Variants in DNER observed in about 807,000 individuals in gnomAD.
DNER encodes the protein delta/notch like EGF repeat containing.
Under a neutral mutation model 78.2 loss-of-function variants are expected in DNER, and 33 were observed. The observed-to-expected ratio is 0.42, with a 90% CI of 0.32 to 0.56. The LOEUF is 0.56. Ranked by LOEUF, DNER falls within the 20% of genes least tolerant of loss-of-function variation. The pLI is 0.11. For missense variants in DNER, 918 were observed against 975.3 expected (o/e 0.94, Z 0.78); for synonymous variants, 417 against 384.8 (o/e 1.08, Z -0.98).
intron 1 of DNER, among the ~76,000 whole-genome samples, chr2:229,603,992 C>T (rs1697885524): frequency 6.6e-6 from 1 of 152,128 alleles, no homozygotes; most frequent in African/African-American, 2.4e-5. Flanking sequence ...ACTCTCCCTC[C>T]AGCACCGCGG....
chr2:229,417,077 C>T (rs993267040), intron 9 of DNER, among the ~76,000 whole-genome samples: 5 of 152,128 alleles, frequency 3.3e-5, no homozygotes, highest in East Asian at 3.9e-4. Context: ...TGGTTCTAAC[C>T]GAACGTCATA....
At chr2:229,696,138 T>C (rs1244259680) in intron 1 of DNER, among the ~76,000 whole-genome samples, 2 of 152,204 alleles carry the variant, frequency 1.3e-5, no homozygotes, top group Admixed American at 1.3e-4. Flanking sequence ...CTACAGTCTT[T>C]TAGCCCTGCT....
At chr2:229,577,515 ACC>A (rs1697324601) in intron 4 of DNER, among the ~76,000 whole-genome samples, 2 of 151,998 alleles carry the variant, frequency 1.3e-5, no homozygotes, top group African/African-American at 4.8e-5. Context: ...GGAGCCTGTA[ACC>A]CCAGCTACTC....
At chr2:229,398,776 T>TGCAA (rs1693203726) in intron 10 of DNER, among the ~76,000 whole-genome samples, 1 of 152,052 alleles carries the variant, frequency 6.6e-6, no homozygotes. Flanking sequence ...ATTCCAGGCA[T>TGCAA]GCAAGACTAA....
At position 229,712,354 on chromosome 2, in the gene DNER, T is replaced by C. The variant is rs538592442; in HGVS notation, c.276+1794A>G. On this transcript the variant is annotated intron_variant, in intron 1 of 12. Coordinates refer to ENST00000341772, the MANE Select transcript of DNER (RefSeq NM_139072.4). ...TTTAGGTGGCACTAAAGAGCTCTTT[T>C]TCTTGAAGATGTCTTATATCTGTTT... is the stretch of plus-strand genomic sequence containing the variant. Among the ~76,000 whole-genome samples, 3 of 152,346 alleles carry C rather than the reference T, an allele frequency of 2.0e-5. No homozygotes were observed. In the East Asian group the frequency reaches 5.8e-4, roughly 29 times the overall value.
intron 11 of DNER, among the ~76,000 whole-genome samples, chr2:229,387,523 G>GAGAT (rs1692908576): frequency 8.5e-6 from 1 of 117,492 alleles, no homozygotes; most frequent in African/African-American, 3.2e-5. Context: ...AAGAAAGAAA[G>GAGAT]AAAGAAAGAA....
chr2:229,553,852 A>G (rs940167932), intron 4 of DNER, among the ~76,000 whole-genome samples: 1 of 152,182 alleles, frequency 6.6e-6, no homozygotes, highest in African/African-American at 2.4e-5. Context: ...GGCTATGGGA[A>G]ACATTTACCC....
chr2:229,698,884 C>CA (rs1199511025), intron 1 of DNER, among the ~76,000 whole-genome samples: 1 of 151,992 alleles, frequency 6.6e-6, no homozygotes, highest in East Asian at 1.9e-4. Flanking sequence ...TTTGCACAAC[C>CA]AAAAAAACCA....
chr2:229,628,882 C>T (rs1229490569), intron 1 of DNER, among the ~76,000 whole-genome samples: 1 of 152,240 alleles, frequency 6.6e-6, no homozygotes, highest in African/African-American at 2.4e-5. Flanking sequence ...GATCTGACCA[C>T]TGACGTTTCC....
rs550333868 is a variant in DNER at position 229,398,496 on chromosome 2, C to A, written c.1723+8736G>T. On this transcript the variant is annotated intron_variant, in intron 10 of 12. Transcript: ENST00000341772. ...CAAAAGAACACTTCGCAACTTATTC[C>A]AAGAAGCTAGTTTTACTTCAATACC... Among the ~76,000 whole-genome samples the A allele has an allele frequency of 3.9e-5, 6 of 152,114 alleles. No individual in the cohort carries two copies. In the East Asian group the frequency reaches 1.2e-3, roughly 29 times the overall value.
At chr2:229,496,049 T>C (rs888557357) in intron 6 of DNER, among the ~76,000 whole-genome samples, 1 of 152,180 alleles carries the variant, frequency 6.6e-6, no homozygotes, top group Non-Finnish European at 1.5e-5. Flanking sequence ...TTGCTCCTGT[T>C]CTTACAGTCT....
rs548584351 is a variant in DNER, at chr2:229,554,424, G to T, written c.848-7332C>A. Among the ~76,000 whole-genome samples, 150 of 152,290 alleles carry T rather than the reference G, an allele frequency of 9.8e-4. 1 individual carries two copies. The highest frequency in any genetic ancestry group is 3.4e-3 in the African/African-American group (142 of 41,572). The stretch of plus-strand genomic sequence containing the variant: ...AATTTTACAATGGCCAGGCATGATG[G>T]CTCACGCCTATAATCCTAGCACTTT... On this transcript the variant is annotated intron_variant, in intron 4 of 12. Coordinates refer to ENST00000341772, the MANE Select transcript of DNER (RefSeq NM_139072.4).
chr2:229,506,765 G>A (rs542112616), intron 6 of DNER, among the ~76,000 whole-genome samples: 27 of 150,958 alleles, frequency 1.8e-4, no homozygotes, highest in East Asian at 9.8e-4. Context: ...GAGAACATGC[G>A]GTGTTTGGTT....
At chr2:229,529,881 C>G (rs1410923399) in intron 5 of DNER, among the ~76,000 whole-genome samples, 1 of 152,076 alleles carries the variant, frequency 6.6e-6, no homozygotes, top group Non-Finnish European at 1.5e-5. Context: ...AGTTGGTATA[C>G]CCGTGTGGTC....
chr2:229,485,479 A>C (rs1695250446), intron 6 of DNER, among the ~76,000 whole-genome samples: 1 of 152,184 alleles, frequency 6.6e-6, no homozygotes, highest in Non-Finnish European at 1.5e-5. Context: ...ATATAATTTA[A>C]AATGTATTCA....
At chr2:229,526,266 C>G (rs1696206097) in intron 5 of DNER, among the ~76,000 whole-genome samples, 1 of 152,184 alleles carries the variant, frequency 6.6e-6, no homozygotes, top group Non-Finnish European at 1.5e-5. Flanking sequence ...AATCTGCATA[C>G]GACTTTGAAT....
At chr2:229,626,377 T>C (rs1314423070) in intron 1 of DNER, among the ~76,000 whole-genome samples, 1 of 152,232 alleles carries the variant, frequency 6.6e-6, no homozygotes, top group Non-Finnish European at 1.5e-5. Flanking sequence ...TCTCATGATC[T>C]AAGAAAAATT....
At chr2:229,559,397 C>T (rs559282220) in intron 4 of DNER, among the ~76,000 whole-genome samples, 2 of 152,128 alleles carry the variant, frequency 1.3e-5, no homozygotes, top group East Asian at 3.9e-4. Context: ...ATCAGACCAT[C>T]ATCATACTAG....
chr2:229,498,099 C>A (rs535052783), intron 6 of DNER, among the ~76,000 whole-genome samples: 33 of 152,204 alleles, frequency 2.2e-4, no homozygotes, highest in Admixed American at 7.9e-4. Flanking sequence ...GGGATTTATC[C>A]ATGGGATGCA....
Sources: gnomAD v4.1 joint callset for allele counts (sites outside exome capture counted in the v4.1 genomes callset) on GRCh38, gnomAD v4.1.1 for gene constraint, MANE v1.5 for transcripts, NCBI Gene and HGNC (gene_info 2026-07-23, HGNC 2026-07-21) for gene names.